FBXW8: variants seen among roughly 807,000 people sequenced by gnomAD.
FBXW8 encodes F-box and WD repeat domain containing 8.
FBXW8 carries 57 observed loss-of-function variants against 65.3 expected under a neutral mutation model. The observed-to-expected ratio is 0.87, with a 90% CI of 0.71 to 1.09. FBXW8 has a LOEUF of 1.09. Among genes scored for constraint, FBXW8 ranks in the 50% least tolerant of loss-of-function variants. The pLI is 0.00. For missense variants in FBXW8, 777 were observed against 814.8 expected, an observed-to-expected ratio of 0.95 and a Z score of 0.57; for synonymous variants, 308 against 330.2, an observed-to-expected ratio of 0.93 and a Z score of 0.73.
At chr12:116,994,109 A>G (rs1953317021) in intron 7 of FBXW8, among the ~76,000 whole-genome samples, 1 of 152,244 alleles carries the variant, frequency 6.6e-6, no homozygotes, top group Admixed American at 6.5e-5. Context: ...ACCTGACTTC[A>G]AATTATACTA....
intron 1 of FBXW8, 114 bp downstream of exon 1, chr12:116,911,469 AGTAGACGCACAAACACCAAT>A: frequency 1.4e-6 from 1 of 700,660 alleles, no homozygotes; most frequent in Admixed American, 4.4e-5. Context: ...CGAGAAAATG[AGTAGACGCACAAACACCAAT>A]GTTTGTGCTT....
chr12:116,952,169 C>T (rs980325170), intron 4 of FBXW8, among the ~76,000 whole-genome samples: 4 of 152,108 alleles, frequency 2.6e-5, no homozygotes, highest in African/African-American at 4.8e-5. Context: ...TGCATAACAG[C>T]GTTTTAGTCA....
At chr12:116,942,447 TCACTGC>T (rs528601292) in intron 2 of FBXW8, among the ~76,000 whole-genome samples, 2 of 150,472 alleles carry the variant, frequency 1.3e-5, no homozygotes, top group Admixed American at 1.3e-4. Context: ...TGATCTTGGC[TCACTGC>T]CACCTCTGCC....
chr12:116,976,614 C>T (rs922819116), intron 5 of FBXW8, among the ~76,000 whole-genome samples: 2 of 136,892 alleles, frequency 1.5e-5, no homozygotes, highest in Non-Finnish European at 3.0e-5. Flanking sequence ...CACCACCACA[C>T]CGGCTAATTT....
At chr12:116,924,610 G>A (rs1354023966) in intron 1 of FBXW8, among the ~76,000 whole-genome samples, 1 of 152,104 alleles carries the variant, frequency 6.6e-6, no homozygotes, top group Non-Finnish European at 1.5e-5. Context: ...CTGCACACTA[G>A]TAGCAAGTAG....
intron 7 of FBXW8, among the ~76,000 whole-genome samples, chr12:116,989,500 C>T (rs963524636): frequency 6.6e-5 from 10 of 152,208 alleles, no homozygotes; most frequent in South Asian, 2.1e-4. Flanking sequence ...CACATTCTTA[C>T]CAACAGTGCA....
At chr12:116,987,591 G>A (rs1885809915) in intron 6 of FBXW8, among the ~76,000 whole-genome samples, 1 of 152,206 alleles carries the variant, frequency 6.6e-6, no homozygotes, top group African/African-American at 2.4e-5. Flanking sequence ...GGAGACAGCA[G>A]ATCACTTGGA....
At chr12:116,951,915 G>A (rs2137360948) in intron 4 of FBXW8, among the ~76,000 whole-genome samples, 2 of 152,292 alleles carry the variant, frequency 1.3e-5, no homozygotes, top group South Asian at 4.1e-4. Flanking sequence ...TGTTTTTCCA[G>A]TGGGGAAACA....
At chr12:116,951,507 G>A (rs1412149398) in intron 4 of FBXW8, 4 of 152,088 alleles carry the variant, frequency 2.6e-5, no homozygotes, top group Non-Finnish European at 4.4e-5. Context: ...TACTTACCTC[G>A]TGTTTCTCTT....
chr12:116,981,865 C>T (rs1885331722), intron 5 of FBXW8, among the ~76,000 whole-genome samples: 1 of 152,156 alleles, frequency 6.6e-6, no homozygotes, highest in Non-Finnish European at 1.5e-5. Flanking sequence ...ACGCCCACCG[C>T]AGCCTCCCAA....
At chr12:117,022,189 T>G (rs1486120041) in intron 8 of FBXW8, among the ~76,000 whole-genome samples, 1 of 152,198 alleles carries the variant, frequency 6.6e-6, no homozygotes, top group Admixed American at 6.5e-5. Context: ...CAGGCTGCTA[T>G]TTGTTATTTT....
At chr12:116,911,672 A>G (rs999451165) in intron 1 of FBXW8, among the ~76,000 whole-genome samples, 1 of 152,114 alleles carries the variant, frequency 6.6e-6, no homozygotes, top group African/African-American at 2.4e-5. Flanking sequence ...TACAGTGTAC[A>G]GGACACCACG....
At chr12:116,994,985 A>G (rs747461359) in intron 7 of FBXW8, among the ~76,000 whole-genome samples, 4 of 152,174 alleles carry the variant, frequency 2.6e-5, no homozygotes, top group Non-Finnish European at 5.9e-5. Context: ...CCCTTCCCCT[A>G]GTGGTTCTTG....
In FBXW8 at chr12:116,945,541, C is replaced by A. The variant is rs1882875667; in HGVS notation, c.588+13C>A. The A allele has an allele frequency of 6.2e-7, 1 of 1,611,238 alleles. No homozygotes were observed. Among genetic ancestry groups the A allele is most frequent in the African/African-American group, 1.3e-5 (1 of 75,014 alleles). ...AACCAACTGGAAGGTGGGCAGTGGC[C>A]AATATCATTACCTGTGAAAGAATAG... On this transcript the variant is annotated intron_variant, in intron 3 of 10. Transcript: ENST00000652555.
chr12:116,973,980 A>G (rs1351338702), intron 5 of FBXW8, among the ~76,000 whole-genome samples: 2 of 152,246 alleles, frequency 1.3e-5, no homozygotes, highest in African/African-American at 2.4e-5. Flanking sequence ...GTTTCTAGAC[A>G]TTGGAAAATA....
intron 4 of FBXW8, among the ~76,000 whole-genome samples, chr12:116,953,440 A>C (rs1176144526): frequency 6.6e-6 from 1 of 152,152 alleles, no homozygotes; most frequent in African/African-American, 2.4e-5. Context: ...TTATAGCATC[A>C]TTTTGGTTTT....
chr12:116,955,145 C>T (rs186012777), intron 4 of FBXW8, among the ~76,000 whole-genome samples: 3 of 151,960 alleles, frequency 2.0e-5, no homozygotes, highest in East Asian at 1.9e-4. Flanking sequence ...AACTCCCCTT[C>T]GGCGATTCCA....
At position 116,964,745 on chromosome 12, in the gene FBXW8, C is replaced by T. The variant is rs376292994; in HGVS notation, c.726C>T (p.Tyr242=). 122 of 1,613,744 alleles carry T rather than the reference C, an allele frequency of 7.6e-5. No homozygotes were observed. The highest frequency in any genetic ancestry group is 2.4e-4 in the African/African-American group (18 of 75,008). The change falls in exon 5 of 11, where the codon TAC becomes TAT. Residue 242 remains tyrosine (Y), a synonymous_variant. Coordinates refer to ENST00000652555, the MANE Select transcript of FBXW8 (RefSeq NM_153348.3). ...TGTGGGACACCCGCACCTGGGACTA[C>T]GTAGCCCCCTTCCTGGAATCAGAGG... ...VRVWDTRTWD[Y]VAPFLESEDE... is the part of the protein sequence containing the mutation.
chr12:116,927,171 T>C (rs1270814404), intron 1 of FBXW8, among the ~76,000 whole-genome samples: 1 of 151,994 alleles, frequency 6.6e-6, no homozygotes, highest in Non-Finnish European at 1.5e-5. Context: ...GGCAGAGGGG[T>C]ACATACATAC....
Sources: allele counts gnomAD v4.1 joint callset (sites outside exome capture counted in the v4.1 genomes callset), GRCh38; gene constraint gnomAD v4.1.1; transcripts MANE v1.5; gene names NCBI Gene and HGNC (gene_info 2026-07-23, HGNC 2026-07-21).